DNHD1: variants seen among roughly 807,000 people sequenced by gnomAD.
DNHD1 encodes the protein dynein heavy chain domain-containing protein 1.
Under a neutral mutation model 458.1 loss-of-function variants are expected in DNHD1, and 383 were observed. That is an observed-to-expected ratio of 0.84 (90% CI 0.77 to 0.91). DNHD1 has a LOEUF of 0.91. DNHD1 is among the 40% of genes least tolerant of loss of function. The pLI is 0.00. For synonymous variants in DNHD1, 2,203 were observed against 2,376.9 expected (o/e 0.93, Z 2.13); for missense variants, 5,336 against 5,866.1 (o/e 0.91, Z 2.95).
At chr11:6,543,678 A>G (rs1853146032) in intron 18 of DNHD1, among the ~76,000 whole-genome samples, 1 of 152,132 alleles carries the variant, frequency 6.6e-6, no homozygotes, top group South Asian at 2.1e-4. Flanking sequence ...CAGAAAGGGC[A>G]GCTGGGCATG....
At position 6,566,246 on chromosome 11, in the gene DNHD1, C is replaced by T. The variant is rs866863010; in HGVS notation, c.11059C>T (p.Pro3687Ser). The change falls in exon 34 of 43, where the codon CCT becomes TCT. Residue 3687 changes from proline to serine, a missense_variant. Around this residue, in one of 4 missense-constraint regions of DNHD1, gnomAD observed 695 missense variants for 804.2 expected, o/e 0.86. Transcript: ENST00000254579. ...CCTTTGCCTCCCTCTCACAGGCCTG[C>T]CTGTGTTACTGACCAATGTGGAGCT... is the stretch of plus-strand genomic sequence containing the variant. ...QLQEAAACGL[P>S]VLLTNVELGL... 3.9e-6 allele frequency: 6 copies of T among 1,551,448 alleles called. No individual in the cohort carries two copies. The Middle Eastern group carries it at 8.4e-4, about 216-fold the overall frequency.
Position 6,564,654 on chromosome 11 carries a change from C to T in DNHD1, c.10606C>T (p.Leu3536=). The change falls in exon 32 of 43, where the codon CTG becomes TTG. Residue 3536 remains leucine (L), a synonymous_variant. Transcript: ENST00000254579. ...GAAGCCACAGGCAAAGTCGGCCCAC[C>T]TGGCAGGCTTGCTTCTGCGAAGCCC... is the stretch of plus-strand genomic sequence containing the variant. The part of the protein sequence containing the change: ...NLKPQAKSAH[L]AGLLLRSPTH... 6.4e-7 allele frequency: 1 copy of T among 1,551,750 alleles called. No homozygotes were observed.
intron 6 of DNHD1, among the ~76,000 whole-genome samples, chr11:6,510,332 AC>A (rs1852312571): frequency 1.3e-5 from 2 of 152,020 alleles, no homozygotes; most frequent in African/African-American, 4.8e-5. Flanking sequence ...TGATCCACCC[AC>A]CTCGACCTCC....
At chr11:6,569,306 A>AC (rs1853785296) in intron 39 of DNHD1, among the ~76,000 whole-genome samples, 1 of 152,146 alleles carries the variant, frequency 6.6e-6, no homozygotes, top group South Asian at 2.1e-4. Context: ...ACACAGTGAA[A>AC]CCCCATCTGT....
Position 6,544,613 on chromosome 11 carries a change from G to A in DNHD1, c.3794G>A (p.Trp1265Ter), listed in dbSNP as rs1212652472. The change falls in exon 20 of 43, where the codon TGG (tryptophan) becomes TAG (stop). Residue 1265 changes from tryptophan (W) to a stop codon, truncating the protein, a stop_gained. Transcript: ENST00000254579. LOFTEE classifies it high-confidence loss of function. Reference protein sequence around the residue: ...LEVWLTFQQKWIFLNKVLHEM... With the variant: ...LEVWLTFQQK ...GTGTGGCTGACTTTCCAGCAGAAGT[G>A]GATTTTTCTGAATAAAGTTCTGCAT... is the stretch of plus-strand genomic sequence containing the variant. 1.0e-5 allele frequency: 16 copies of A among 1,551,458 alleles called. No homozygotes were observed. The highest frequency in any genetic ancestry group is 4.9e-5 in the East Asian group (2 of 40,906).
intron 7 of DNHD1, among the ~76,000 whole-genome samples, chr11:6,512,045 G>A (rs2134380393): frequency 6.6e-6 from 1 of 152,150 alleles, no homozygotes; most frequent in East Asian, 1.9e-4. Context: ...CAGATTTTGT[G>A]AAAATAACTA....
At position 6,545,269 on chromosome 11, in the gene DNHD1, C is replaced by A; in HGVS notation, c.4330C>A (p.Leu1444Ile). The change falls in exon 21 of 43, where the codon CTC becomes ATC. Residue 1444 changes from leucine (L) to isoleucine (I), a missense_variant. Leu to Ile is a conservative substitution (Grantham distance 5, BLOSUM62 2). Around this residue, in one of 4 missense-constraint regions of DNHD1, gnomAD observed 3,932 missense variants for 4,365.6 expected, o/e 0.90. Coordinates refer to ENST00000254579, the MANE Select transcript of DNHD1 (RefSeq NM_144666.3). The surrounding 1 kb of genome is among the most constrained non-coding windows in gnomAD (Gnocchi z 4.9). ...LQGPLPLHPD[L>I]PKWLASLEKC... is the part of the protein sequence containing the mutation. ...GGGTCCCCTTCCTCTGCATCCAGAT[C>A]TCCCTAAGTGGCTGGCCTCTCTGGA... 2 of 1,551,770 alleles carry A rather than the reference C, an allele frequency of 1.3e-6. No individual in the cohort carries two copies. Among genetic ancestry groups the A allele is most frequent in the Non-Finnish European group, 1.7e-6 (2 of 1,147,010 alleles).
At position 6,570,904 on chromosome 11, in the gene DNHD1, C is replaced by G; in HGVS notation, c.13392C>G (p.Asp4464Glu). 1.2e-6 allele frequency: 2 copies of G among 1,613,616 alleles called. No homozygotes were observed. The highest frequency in any genetic ancestry group is 1.7e-6 in the Non-Finnish European group (2 of 1,179,544). Reference protein sequence around the residue: ...QDLLTHVIRQDESDAPWSVLG... With the variant: ...QDLLTHVIRQEESDAPWSVLG... ...TGCTGACCCACGTGATTCGCCAAGA[C>G]GAGTCCGACGCCCCGTGGTCAGTGC... The change falls in exon 42 of 43, where the codon GAC becomes GAG. Residue 4464 changes from aspartate to glutamate, a missense_variant. Coordinates refer to ENST00000254579, the MANE Select transcript of DNHD1 (RefSeq NM_144666.3).
At position 6,558,641 on chromosome 11, in the gene DNHD1, C is replaced by A; in HGVS notation, c.9159C>A (p.Ala3053=). The A allele has an allele frequency of 6.4e-7, 1 of 1,551,584 alleles. No individual in the cohort carries two copies. The highest frequency in any genetic ancestry group is 8.7e-7 in the Non-Finnish European group (1 of 1,147,002). Residue 3053 remains alanine, a synonymous_variant, in exon 26 of 43, where the codon GCC becomes GCA. Coordinates refer to ENST00000254579, the MANE Select transcript of DNHD1 (RefSeq NM_144666.3). ...RYEPWDQAAL[A]KVAQHHLEGA... The stretch of plus-strand genomic sequence containing the variant: ...AACCCTGGGACCAAGCTGCCCTGGC[C>A]AAGGTGGCCCAGCATCACCTGGAGG...
chr11:6,503,835 GTAA>G (rs896928094), intron 4 of DNHD1: 18 of 152,126 alleles, frequency 1.2e-4, no homozygotes, highest in Non-Finnish European at 2.4e-4. Context: ...AGAAATAATT[GTAA>G]TAATTGCCTT....
At position 6,548,148 on chromosome 11, in the gene DNHD1, T is replaced by A. The variant is rs563092936; in HGVS notation, c.6906-62T>A. On this transcript the variant is annotated intron_variant, in intron 22 of 42. Transcript: ENST00000254579. This position sits in a 1 kb window ranked among gnomAD's most constrained non-coding sequence, Gnocchi z 4.4. ...GTTAGGGTATGGTGGAGTGTGTGAG[T>A]GTGTCATAAATGGAAGTGTTGTAAC... The A allele has an allele frequency of 3.2e-6, 5 of 1,544,262 alleles. No individual in the cohort carries two copies. The highest frequency in any genetic ancestry group is 4.4e-6 in the Non-Finnish European group (5 of 1,140,776).
chr11:6,526,802 T>C (rs17244669), intron 10 of DNHD1, among the ~76,000 whole-genome samples: 5,708 of 152,336 alleles, frequency 0.037, 114 homozygotes, highest in Middle Eastern at 0.14. Context: ...TAAGCTTCTA[T>C]AGACCTTACC....
rs371292899 is a variant in DNHD1 at position 6,571,125 on chromosome 11, G to A, written c.13613G>A (p.Arg4538Gln). ...ACTGGCCGCCTACCCTTGCCTTGGC[G>A]ACCTCATGCGCCGGCCGGTCCGCAG... The part of the protein sequence containing the change: ...LWTGRLPLPW[R>Q]PHAPAGPQPP... The change falls in exon 42 of 43, where the codon CGA becomes CAA. Residue 4538 changes from arginine to glutamine, a missense_variant. Arg to Gln is a conservative substitution (Grantham distance 43). Transcript: ENST00000254579. The surrounding 1 kb of genome is among the most constrained non-coding windows in gnomAD (Gnocchi z 5.0). 1.8e-5 allele frequency: 29 copies of A among 1,599,878 alleles called. No individual in the cohort carries two copies. Among genetic ancestry groups the A allele is most frequent in the Middle Eastern group, 1.7e-4 (1 of 6,042 alleles).
Position 6,509,123 on chromosome 11 carries a change from G to C in DNHD1, c.1125-39G>C, listed in dbSNP as rs371529610. 121 of 1,613,950 alleles carry C rather than the reference G, an allele frequency of 7.5e-5. 1 individual carries two copies. The Middle Eastern group carries it at 8.2e-4, about 11-fold the overall frequency. On this transcript the variant is annotated intron_variant, in intron 5 of 42. Coordinates refer to ENST00000254579, the MANE Select transcript of DNHD1 (RefSeq NM_144666.3). ...ATATGTGATTTGGGGGGAAATGGAT[G>C]ACAGCAACAGTATATTATCACTGAC...
At chr11:6,499,629 A>G (rs2723624) in intron 3 of DNHD1, among the ~76,000 whole-genome samples, 84,753 of 150,702 alleles carry the variant, frequency 0.56, 24,661 homozygotes, top group African/African-American at 0.7. Context: ...GTGCAACGGC[A>G]TGGTCTCGGT....
At chr11:6,507,558 T>C (rs1387448776) in intron 4 of DNHD1, among the ~76,000 whole-genome samples, 1 of 152,158 alleles carries the variant, frequency 6.6e-6, no homozygotes, top group Admixed American at 6.5e-5. Context: ...AAAGGAGTAG[T>C]GGCCATTGGG....
chr11:6,500,121 C>T (rs985061142), intron 3 of DNHD1, among the ~76,000 whole-genome samples: 6 of 152,110 alleles, frequency 3.9e-5, no homozygotes, highest in South Asian at 2.1e-4. Context: ...CATGCCACCA[C>T]GCTCAGCTGA....
Position 6,540,094 on chromosome 11 carries a change from G to C in DNHD1, c.3628+11G>C, listed in dbSNP as rs1032504635. ...CCTTCATCCTCTCAGGTGAGACCCA[G>C]ACCTTGTGACCTAGTGAAAGCCCCC... On this transcript the variant is annotated intron_variant, in intron 18 of 42. Transcript: ENST00000254579. 7.1e-6 allele frequency: 11 copies of C among 1,548,994 alleles called. No individual in the cohort carries two copies.
chr11:6,557,397 A>C lies in DNHD1; in HGVS notation c.8102A>C (p.Glu2701Ala), dbSNP rs1404471596. 6.4e-7 allele frequency: 1 copy of C among 1,551,110 alleles called. No individual in the cohort carries two copies. The highest frequency in any genetic ancestry group is 2.0e-5 in the Admixed American group (1 of 50,992). ...KDHQESEEEE[E>A]EERVPEVESE... ...CATCAGGAGAGTGAGGAGGAGGAGG[A>C]GGAGGAGAGGGTGCCCGAAGTAGAA... The change falls in exon 25 of 43, where the codon GAG (glutamate) becomes GCG (alanine). Residue 2701 changes from glutamate (E) to alanine (A), a missense_variant. Physicochemically the swap from Glu to Ala is moderately radical, Grantham distance 107 (BLOSUM62 -1). This residue lies in a region of DNHD1 where 3,932 missense variants were observed against 4,365.6 expected (regional missense o/e 0.90). Coordinates refer to ENST00000254579, the MANE Select transcript of DNHD1 (RefSeq NM_144666.3).
Sources: allele counts gnomAD v4.1 joint callset (sites outside exome capture counted in the v4.1 genomes callset), GRCh38; gene constraint gnomAD v4.1.1; regional missense constraint gnomAD v4.1.1; non-coding constraint Gnocchi (gnomAD v3.1); transcripts MANE v1.5; gene names NCBI Gene and HGNC (gene_info 2026-07-23, HGNC 2026-07-21).